ETV1: variants seen among roughly 807,000 people sequenced by gnomAD.
The protein encoded by ETV1 is ETS variant transcription factor 1.
A neutral mutation model predicts 62.3 loss-of-function variants in ETV1; 27 were observed. The observed-to-expected ratio is 0.43, with a 90% CI of 0.32 to 0.60. ETV1 has a LOEUF of 0.60. ETV1 is among the 20% of genes least tolerant of loss of function. The pLI is 0.06. For missense variants in ETV1, 605 were observed against 605.8 expected, an observed-to-expected ratio of 1.00 and a Z score of 0.01; for synonymous variants, 222 against 199.6, an observed-to-expected ratio of 1.11 and a Z score of -0.94.
At chr7:13,927,946 G>A (rs776357589) in intron 9 of ETV1, among the ~76,000 whole-genome samples, 19 of 152,162 alleles carry the variant, frequency 1.2e-4, no homozygotes, top group Non-Finnish European at 1.9e-4. Flanking sequence ...AAGGGAGAAT[G>A]CAATATAAAA....
At chr7:13,967,544 C>CA in intron 6 of ETV1, among the ~76,000 whole-genome samples, 1 of 152,126 alleles carries the variant, frequency 6.6e-6, no homozygotes, top group South Asian at 2.1e-4. Context: ...CTGTCAAATG[C>CA]AAATAGTGCT....
intron 8 of ETV1, among the ~76,000 whole-genome samples, chr7:13,935,141 T>G (rs1320234208): frequency 6.6e-6 from 1 of 152,234 alleles, no homozygotes; most frequent in Non-Finnish European, 1.5e-5. Context: ...TGCTCCTTTC[T>G]AAGTAATACT....
chr7:13,895,846 CT>C lies in ETV1; in HGVS notation c.*19del. On this transcript the variant is annotated 3_prime_UTR_variant, in exon 14 of 14. Transcript: ENST00000430479. ...AAAAAAGGAAAAGCGCAAAAACGCC[CT>C]GCTTGACTGTCACTTGTGTTAATAC... 6.3e-7 allele frequency: 1 copy of C among 1,590,178 alleles called. No homozygotes were observed. Among genetic ancestry groups the C allele is most frequent in the East Asian group, 2.2e-5 (1 of 44,592 alleles).
intron 7 of ETV1, 50 bp downstream of exon 7, chr7:13,939,067 T>C (rs759459913): frequency 6.4e-7 from 1 of 1,564,718 alleles, no homozygotes; most frequent in Non-Finnish European, 8.6e-7. Flanking sequence ...TCTGGACTTT[T>C]TGATTCAATA....
intron 6 of ETV1, among the ~76,000 whole-genome samples, chr7:13,962,978 G>C (rs1446039366): frequency 1.3e-5 from 2 of 151,964 alleles, no homozygotes; most frequent in Non-Finnish European, 2.9e-5. Context: ...TAACAACTTT[G>C]TACATTTTAC....
intron 6 of ETV1, among the ~76,000 whole-genome samples, chr7:13,941,677 C>A (rs1787521297): frequency 6.6e-6 from 1 of 152,014 alleles, no homozygotes; most frequent in Non-Finnish European, 1.5e-5. Context: ...TGGAGACCAG[C>A]CTGGTCAACA....
chr7:13,985,635 C>A (rs1336621000), intron 5 of ETV1: 1 of 159,498 alleles, frequency 6.3e-6, no homozygotes, highest in Non-Finnish European at 1.4e-5. Context: ...CCAAAATTTG[C>A]ATGTTTCCCA....
chr7:13,892,121 T>C lies in ETV1; in HGVS notation c.*3745A>G. ...ATAGACATATTTTACACATTGTTCT[T>C]ACCTAATAAGTAATAATCACTAGCA... On this transcript the variant is annotated 3_prime_UTR_variant, in exon 14 of 14. Coordinates refer to ENST00000430479, the MANE Select transcript of ETV1 (RefSeq NM_004956.5). 1 of 232,378 alleles carries C rather than the reference T, an allele frequency of 4.3e-6. No homozygotes were observed. Among genetic ancestry groups the C allele is most frequent in the Non-Finnish European group, 8.5e-6 (1 of 117,548 alleles). The allele number at this position is 232,378 out of a possible 1,614,324, so 14.4% of individuals were successfully genotyped here. A position where few individuals can be genotyped will look rare whatever the true frequency, so the allele number is the denominator to read the frequency against.
rs138394089 is a variant in ETV1 at position 13,897,788 on chromosome 7, CT to C, written c.1213-1702del. Among the ~76,000 whole-genome samples the C allele has an allele frequency of 7.4e-3, 1,120 of 152,136 alleles. 18 individuals are homozygous for C. Among genetic ancestry groups the C allele is most frequent in the African/African-American group, 0.026 (1,061 of 41,518 alleles). ...GCTGAGATAGTAAATCCTAGTTTTCCTTTATTTTTTTCTTTGTTCAAAGTAT... is the reference window on the plus strand; with the variant it reads ...GCTGAGATAGTAAATCCTAGTTTTCCTTATTTTTTTCTTTGTTCAAAGTAT... On this transcript the variant is annotated intron_variant, in intron 13 of 13. Coordinates refer to ENST00000430479, the MANE Select transcript of ETV1 (RefSeq NM_004956.5).
intron 6 of ETV1, among the ~76,000 whole-genome samples, chr7:13,947,530 G>T (rs1383628821): frequency 6.6e-6 from 1 of 152,022 alleles, no homozygotes; most frequent in Admixed American, 6.6e-5. Context: ...TTTTAAAAAG[G>T]CACAAAGAAG....
chr7:13,953,654 T>C (rs1029982710), intron 6 of ETV1, among the ~76,000 whole-genome samples: 1 of 151,136 alleles, frequency 6.6e-6, no homozygotes, highest in Non-Finnish European at 1.5e-5. Flanking sequence ...AGACAGGTTC[T>C]TCCCATAAGA....
intron 6 of ETV1, among the ~76,000 whole-genome samples, chr7:13,944,664 A>G (rs1168456860): frequency 6.6e-6 from 1 of 152,146 alleles, no homozygotes; most frequent in East Asian, 1.9e-4. Flanking sequence ...CAAATCTGGC[A>G]CATCATCAAA....
chr7:13,973,236 A>G (rs1440695700), intron 6 of ETV1, among the ~76,000 whole-genome samples: 1 of 152,218 alleles, frequency 6.6e-6, no homozygotes, highest in Admixed American at 6.5e-5. Flanking sequence ...TAAAGCAGTA[A>G]AAGCTAAGGC....
At chr7:13,990,793 G>A (rs1782968601), upstream of ETV1, 1 of 152,218 alleles carries the variant, frequency 6.6e-6, no homozygotes, top group Non-Finnish European at 1.5e-5. Context: ...GGGACTCAAT[G>A]CTGTTGAAAT....
rs748346103 is a variant in ETV1, at chr7:13,931,745, G to A, written c.559C>T (p.Arg187Cys). 7.4e-6 allele frequency: 12 copies of A among 1,613,770 alleles called. No individual in the cohort carries two copies. The highest frequency in any genetic ancestry group is 5.3e-5 in the African/African-American group (4 of 74,928). Residue 187 changes from arginine (R) to cysteine (C), a missense_variant, in exon 9 of 14, where the codon CGC becomes TGC. Physicochemically the swap from Arg to Cys is radical, Grantham distance 180. Transcript: ENST00000430479. The part of the protein sequence containing the change: ...DSSYPMDHRF[R>C]RQLSEPCNSF... ...TTACAGGGTTCAGAAAGCTGGCGGC[G>A]AAATCTAGGGAATAAGAGAGTGTGT...
intron 7 of ETV1, 143 bp from the exon 8 acceptor site, chr7:13,936,039 TC>T: frequency 1.5e-6 from 1 of 661,066 alleles, no homozygotes; most frequent in Non-Finnish European, 2.5e-6. Flanking sequence ...GTTGTTTAAA[TC>T]CAGAACAGAT....
chr7:13,952,015 T>G lies in ETV1; in HGVS notation c.236-12769A>C, dbSNP rs909771053. 1.6e-4 allele frequency among the ~76,000 whole-genome samples: 25 copies of G among 152,038 alleles called. No homozygotes were observed. The East Asian group carries it at 4.6e-3, about 28-fold the overall frequency. Reference sequence around the variant, plus strand: ...TTTTTCTATTTAATCTTGTTTCCAATTTCTCTATCAGTCAACTACACACTA... The same window carrying G: ...TTTTTCTATTTAATCTTGTTTCCAAGTTCTCTATCAGTCAACTACACACTA... On this transcript the variant is annotated intron_variant, in intron 6 of 13. Transcript: ENST00000430479.
At chr7:13,930,374 T>A (rs191845791) in intron 9 of ETV1, among the ~76,000 whole-genome samples, 2 of 152,140 alleles carry the variant, frequency 1.3e-5, no homozygotes, top group East Asian at 3.9e-4. Flanking sequence ...CAGGCTAGAG[T>A]GCAGTGGCGC....
intron 6 of ETV1, among the ~76,000 whole-genome samples, chr7:13,943,325 C>T (rs1170980597): frequency 6.6e-6 from 1 of 152,148 alleles, no homozygotes; most frequent in Admixed American, 6.5e-5. Flanking sequence ...CAGATAGTTA[C>T]AGATATCACT....
Sources: allele counts gnomAD v4.1 joint callset (sites outside exome capture counted in the v4.1 genomes callset), GRCh38; gene constraint gnomAD v4.1.1; transcripts MANE v1.5; gene names NCBI Gene and HGNC (gene_info 2026-07-23, HGNC 2026-07-21).